The following RIMS2 variants were observed in gnomAD, a reference collection of about 807,000 sequenced individuals.
RIMS2 encodes the protein regulating synaptic membrane exocytosis 2, also known as regulating synaptic membrane exocytosis protein 2.
RIMS2 carries 59 observed loss-of-function variants against 174.4 expected under a neutral mutation model. The ratio of observed to expected loss-of-function variants is 0.34; its 90% CI spans 0.27 to 0.42. RIMS2 has a LOEUF of 0.42. RIMS2 is among the 10% of genes least tolerant of loss of function. RIMS2 has a pLI of 1.00. For missense variants in RIMS2, 1,620 were observed against 1,666.3 expected (o/e 0.97, Z 0.48); for synonymous variants, 606 against 572.5 (o/e 1.06, Z -0.84).
intron 19 of RIMS2, among the ~76,000 whole-genome samples, chr8:104,097,206 A>T (rs906152080): frequency 6.6e-6 from 1 of 152,190 alleles, no homozygotes; most frequent in African/African-American, 2.4e-5. Flanking sequence ...GAATTTTTAC[A>T]TATATATAAT....
exon 3 of RIMS2, chr8:103,766,251 C>G (rs965111518): frequency 6.2e-7 from 1 of 1,612,080 alleles, no homozygotes; most frequent in African/African-American, 1.3e-5. Context: ...TAATTTGTGC[C>G]GAAAACAACA....
intron 19 of RIMS2, among the ~76,000 whole-genome samples, chr8:104,220,882 C>T (rs937891975): frequency 1.3e-5 from 2 of 152,148 alleles, no homozygotes; most frequent in Admixed American, 6.5e-5. Flanking sequence ...GCTGGGATTG[C>T]AGGCATGAGC....
chr8:103,780,017 T>G (rs1420206282), intron 3 of RIMS2, among the ~76,000 whole-genome samples: 4 of 152,282 alleles, frequency 2.6e-5, no homozygotes, highest in South Asian at 4.1e-4. Flanking sequence ...CCATACTGAT[T>G]TGGTTACCAT....
At chr8:103,597,964 A>T (rs571035232) in intron 1 of RIMS2, among the ~76,000 whole-genome samples, 15 of 152,302 alleles carry the variant, frequency 9.8e-5, no homozygotes, top group African/African-American at 3.6e-4. Flanking sequence ...AATTATATGC[A>T]TTTCTATAAG....
intron 19 of RIMS2, chr8:104,223,770 A>G: frequency 6.3e-7 from 1 of 1,594,640 alleles, no homozygotes; most frequent in Non-Finnish European, 8.5e-7. Context: ...CCCTGCATGA[A>G]CTCCCTGGAG....
intron 1 of RIMS2, among the ~76,000 whole-genome samples, chr8:103,502,699 G>A (rs1052595261): frequency 6.6e-6 from 1 of 152,022 alleles, no homozygotes; most frequent in Non-Finnish European, 1.5e-5. Context: ...ATTTAAATAT[G>A]TGAACTTAAT....
At chr8:103,954,236 A>T (rs55959188) in intron 14 of RIMS2, among the ~76,000 whole-genome samples, 1 of 151,888 alleles carries the variant, frequency 6.6e-6, no homozygotes, top group Non-Finnish European at 1.5e-5. Context: ...CTTGAACCCA[A>T]CTCTGACCAA....
intron 11 of RIMS2, chr8:103,927,896 G>C: frequency 6.2e-7 from 1 of 1,603,920 alleles, no homozygotes; most frequent in Non-Finnish European, 8.5e-7. Flanking sequence ...TCAGGTAAAG[G>C]CCTTGTCTGC....
chr8:104,000,791 T>C (rs1245923319), intron 17 of RIMS2, among the ~76,000 whole-genome samples: 1 of 152,018 alleles, frequency 6.6e-6, no homozygotes, highest in African/African-American at 2.4e-5. Context: ...GGTTTTGATT[T>C]GCATTTCTCT....
At chr8:104,066,674 C>T (rs968983775) in intron 19 of RIMS2, among the ~76,000 whole-genome samples, 1 of 152,078 alleles carries the variant, frequency 6.6e-6, no homozygotes, top group Non-Finnish European at 1.5e-5. Flanking sequence ...AGGCACTCAC[C>T]TGGTTTTATA....
At chr8:103,535,213 C>T (rs1839216410) in intron 1 of RIMS2, among the ~76,000 whole-genome samples, 1 of 152,192 alleles carries the variant, frequency 6.6e-6, no homozygotes, top group South Asian at 2.1e-4. Flanking sequence ...TTAGCTGTAG[C>T]AGAGGTTATG....
chr8:103,535,842 A>G, intron 1 of RIMS2, among the ~76,000 whole-genome samples: 1 of 152,240 alleles, frequency 6.6e-6, no homozygotes. Context: ...AGCAGTAGGC[A>G]TGGTGTGAGG....
At chr8:103,514,358 T>G (rs1157983769) in intron 1 of RIMS2, among the ~76,000 whole-genome samples, 1 of 152,232 alleles carries the variant, frequency 6.6e-6, no homozygotes, top group African/African-American at 2.4e-5. Context: ...ACTTAATGCT[T>G]CCTAACCTTT....
intron 19 of RIMS2, among the ~76,000 whole-genome samples, chr8:104,022,516 G>A (rs936433991): frequency 6.6e-6 from 1 of 152,044 alleles, no homozygotes; most frequent in African/African-American, 2.4e-5. Flanking sequence ...TGAGTAGCTG[G>A]GATTACAGGT....
At chr8:104,079,778 A>G (rs2097375971) in intron 19 of RIMS2, among the ~76,000 whole-genome samples, 1 of 151,242 alleles carries the variant, frequency 6.6e-6, no homozygotes, top group Non-Finnish European at 1.5e-5. Context: ...TAAACTATAC[A>G]CTTCTTGAGA....
intron 1 of RIMS2, among the ~76,000 whole-genome samples, chr8:103,524,051 A>C (rs898244817): frequency 6.6e-5 from 10 of 152,192 alleles, no homozygotes; most frequent in Admixed American, 6.5e-4. Context: ...TTGTAATAAA[A>C]ATTGGATTAT....
chr8:103,755,121 C>T (rs902098409), intron 2 of RIMS2, among the ~76,000 whole-genome samples: 8 of 152,120 alleles, frequency 5.3e-5, no homozygotes, highest in Non-Finnish European at 4.4e-5. Flanking sequence ...TAAGACAGGC[C>T]TGGTGGTGAC....
chr8:103,614,306 A>G (rs373514476), intron 1 of RIMS2, among the ~76,000 whole-genome samples: 1 of 152,232 alleles, frequency 6.6e-6, no homozygotes, highest in African/African-American at 2.4e-5. Flanking sequence ...TTTGCTCTCC[A>G]CTATGATGGG....
chr8:104,252,452 GAAATT>G (rs1244560671), downstream of RIMS2: 2 of 149,664 alleles, frequency 1.3e-5, no homozygotes, highest in African/African-American at 4.9e-5. Flanking sequence ...TGTACTGAAT[GAAATT>G]AAAGAAACTT....
Sources: gnomAD v4.1 joint callset for allele counts (sites outside exome capture counted in the v4.1 genomes callset) on GRCh38, gnomAD v4.1.1 for gene constraint, MANE v1.5 for transcripts, NCBI Gene and HGNC (gene_info 2026-07-23, HGNC 2026-07-21) for gene names.